The following BCAS1 variants were observed in gnomAD, a reference collection of about 807,000 sequenced individuals.
The protein encoded by BCAS1 is breast carcinoma-amplified sequence 1.
A neutral mutation model predicts 65.4 loss-of-function variants in BCAS1; 46 were observed. The ratio of observed to expected loss-of-function variants is 0.70; its 90% CI spans 0.55 to 0.90. BCAS1 has a LOEUF of 0.90. Among genes scored for constraint, BCAS1 ranks in the 40% least tolerant of loss-of-function variants. The pLI, the probability that BCAS1 is intolerant of heterozygous loss-of-function variation, is 0.00. For missense variants in BCAS1, 793 were observed against 771.2 expected (o/e 1.03, Z -0.33); for synonymous variants, 298 against 293.5 (o/e 1.02, Z -0.16).
intron 1 of BCAS1, among the ~76,000 whole-genome samples, chr20:54,061,276 A>G (rs1177600510): frequency 6.6e-6 from 1 of 152,206 alleles, no homozygotes; most frequent in Non-Finnish European, 1.5e-5. Context: ...AGCTTCCCTT[A>G]AAAAGGAGGA....
chr20:53,975,125 T>C (rs1353354328), intron 9 of BCAS1, among the ~76,000 whole-genome samples: 1 of 152,252 alleles, frequency 6.6e-6, no homozygotes, highest in Non-Finnish European at 1.5e-5. Flanking sequence ...TGTAGTAGAC[T>C]CTTTCAGCCC....
chr20:54,012,292 G>A (rs2091337875), intron 4 of BCAS1, among the ~76,000 whole-genome samples: 1 of 152,184 alleles, frequency 6.6e-6, no homozygotes, highest in African/African-American at 2.4e-5. Context: ...TCAGTATGCA[G>A]TATCCTTGTG....
chr20:53,972,802 A>G (rs544059796), intron 9 of BCAS1, among the ~76,000 whole-genome samples: 2 of 152,296 alleles, frequency 1.3e-5, no homozygotes, highest in African/African-American at 4.8e-5. Flanking sequence ...CAAGAACCCG[A>G]AAGTGTAGGT....
chr20:54,019,593 G>A (rs1446235319), intron 4 of BCAS1, among the ~76,000 whole-genome samples: 1 of 152,162 alleles, frequency 6.6e-6, no homozygotes, highest in Non-Finnish European at 1.5e-5. Context: ...TGCCAGAGGA[G>A]ATTAACATTT....
At chr20:53,972,059 G>GT (rs943280595) in intron 9 of BCAS1, among the ~76,000 whole-genome samples, 31 of 152,038 alleles carry the variant, frequency 2.0e-4, no homozygotes, top group South Asian at 4.2e-4. Context: ...CTGTTTTTTA[G>GT]TTTTTTTTAA....
intron 3 of BCAS1, among the ~76,000 whole-genome samples, chr20:54,033,931 C>G (rs985115856): frequency 1.3e-5 from 2 of 151,258 alleles, no homozygotes; most frequent in Non-Finnish European, 3.0e-5. Flanking sequence ...AGCAGCACAC[C>G]AAAAAGCTTA....
chr20:54,041,945 G>C (rs148222776), intron 3 of BCAS1, among the ~76,000 whole-genome samples: 1,233 of 122,068 alleles, frequency 0.01, 26 homozygotes, highest in African/African-American at 0.034. Context: ...CAGCCATATA[G>C]ATCGTCGGTG....
chr20:54,041,446 A>G (rs1017726066), intron 3 of BCAS1, among the ~76,000 whole-genome samples: 2 of 152,216 alleles, frequency 1.3e-5, no homozygotes, highest in Non-Finnish European at 2.9e-5. Flanking sequence ...AAAGACATGC[A>G]GCCAGCTTTT....
intron 4 of BCAS1, among the ~76,000 whole-genome samples, 175 bp from the exon 5 acceptor site, chr20:53,996,225 C>T (rs998511168): frequency 3.3e-5 from 5 of 152,200 alleles, no homozygotes; most frequent in Non-Finnish European, 7.3e-5. Context: ...CCCTCCCCCT[C>T]TTTCTAACAT....
At chr20:53,988,050 C>T (rs2090659829) in intron 7 of BCAS1, among the ~76,000 whole-genome samples, 3 of 152,188 alleles carry the variant, frequency 2.0e-5, no homozygotes, top group Admixed American at 6.5e-5. Context: ...AGAAAGGGCT[C>T]TGGTTGCTTT....
chr20:53,944,691 C>A lies in BCAS1; in HGVS notation c.*231G>T, dbSNP rs1339125072. Reference sequence around the variant, plus strand: ...GCTTGGTGATCATCGACTCTTCTGACCCAACTAGGTGACCTGCTAAACCAT... The same window carrying A: ...GCTTGGTGATCATCGACTCTTCTGAACCAACTAGGTGACCTGCTAAACCAT... On this transcript the variant is annotated 3_prime_UTR_variant, in exon 13 of 13. Transcript: ENST00000688948. The A allele has an allele frequency of 5.7e-6, 3 of 523,718 alleles. No homozygotes were observed. Among genetic ancestry groups the A allele is most frequent in the Non-Finnish European group, 1.0e-5 (3 of 286,452 alleles). The allele number at this position is 523,718 out of a possible 1,614,324, so 32.4% of individuals were successfully genotyped here. A position where few individuals can be genotyped will look rare whatever the true frequency, so the allele number is the denominator to read the frequency against.
chr20:54,033,474 C>T (rs1322105879), intron 3 of BCAS1, among the ~76,000 whole-genome samples: 1 of 151,056 alleles, frequency 6.6e-6, no homozygotes, highest in Non-Finnish European at 1.5e-5. Flanking sequence ...GATATTACCA[C>T]TGACCCCACA....
chr20:54,052,254 G>C (rs999679466), intron 3 of BCAS1, among the ~76,000 whole-genome samples: 1 of 152,194 alleles, frequency 6.6e-6, no homozygotes, highest in African/African-American at 2.4e-5. Flanking sequence ...CCCCTCTGCA[G>C]TGAGTGTCTC....
intron 4 of BCAS1, among the ~76,000 whole-genome samples, chr20:54,025,742 C>T (rs1014541595): frequency 2.0e-4 from 31 of 152,048 alleles, no homozygotes; most frequent in African/African-American, 7.5e-4. Flanking sequence ...GACATCCAGC[C>T]ATGTACAATG....
At chr20:54,019,007 A>G (rs139304707) in intron 4 of BCAS1, among the ~76,000 whole-genome samples, 482 of 152,318 alleles carry the variant, frequency 3.2e-3, no homozygotes, top group African/African-American at 0.011. Context: ...TTAAAATATC[A>G]TCAACTTTGT....
chr20:53,965,662 TATTTA>T (rs943141146), intron 10 of BCAS1, among the ~76,000 whole-genome samples: 18 of 152,360 alleles, frequency 1.2e-4, no homozygotes, highest in East Asian at 9.6e-4. Context: ...GTCATTTCCT[TATTTA>T]ATTTATCTAT....
intron 3 of BCAS1, among the ~76,000 whole-genome samples, chr20:54,052,522 T>C (rs1468589224): frequency 2.0e-5 from 3 of 152,208 alleles, no homozygotes; most frequent in Admixed American, 6.5e-5. Flanking sequence ...TTAGTTACCA[T>C]GTGATCATAT....
At chr20:54,058,023 C>A in intron 3 of BCAS1, 62 bp downstream of exon 3, 93 of 1,092,990 alleles carry the variant, frequency 8.5e-5, no homozygotes, top group Non-Finnish European at 1.1e-4. Flanking sequence ...TCACCGTAAA[C>A]AGCATCTGCA....
At chr20:54,007,037 A>C (rs1033562801) in intron 4 of BCAS1, among the ~76,000 whole-genome samples, 1 of 152,160 alleles carries the variant, frequency 6.6e-6, no homozygotes, top group Non-Finnish European at 1.5e-5. Flanking sequence ...GACAGTAGGC[A>C]AGGTTCTCTG....
Sources: allele counts gnomAD v4.1 joint callset (sites outside exome capture counted in the v4.1 genomes callset), GRCh38; gene constraint gnomAD v4.1.1; transcripts MANE v1.5; gene names NCBI Gene and HGNC (gene_info 2026-07-23, HGNC 2026-07-21).